The following HERC3 variants were observed in gnomAD, a reference collection of about 807,000 sequenced individuals.
HERC3 encodes the protein probable E3 ubiquitin-protein ligase HERC3.
A neutral mutation model predicts 129.9 loss-of-function variants in HERC3; 58 were observed. The observed-to-expected ratio is 0.45, with a 90% confidence interval of 0.36 to 0.56. The LOEUF (loss-of-function observed/expected upper bound fraction) is 0.56. Ranked by LOEUF, HERC3 falls within the 20% of genes least tolerant of loss-of-function variation. HERC3 has a pLI of 0.00. For synonymous variants in HERC3, 430 were observed against 451.0 expected (o/e 0.95, Z 0.59); for missense variants, 835 against 1,244.2 (o/e 0.67, Z 4.95).
At chr4:88,706,144 G>GT (rs1285876397) in intron 25 of HERC3, among the ~76,000 whole-genome samples, 1 of 152,228 alleles carries the variant, frequency 6.6e-6, no homozygotes, top group Non-Finnish European at 1.5e-5. Flanking sequence ...GGAATGGCAG[G>GT]TTATTTGAAA....
chr4:88,572,203 C>T, the HERC3 span, among the ~76,000 whole-genome samples: 1 of 152,176 alleles, frequency 6.6e-6, no homozygotes, highest in South Asian at 2.1e-4. Flanking sequence ...GCGGGAAGAT[C>T]ACTTGAGGCC....
the HERC3 span, among the ~76,000 whole-genome samples, chr4:88,554,288 T>C: frequency 0.024 from 3,421 of 144,042 alleles, 131 homozygotes; most frequent in African/African-American, 0.083. Context: ...GAGTTTGCAA[T>C]GACCCGAGAT....
intron 12 of HERC3, among the ~76,000 whole-genome samples, chr4:88,665,594 A>G (rs1314799495): frequency 1.3e-5 from 2 of 152,208 alleles, no homozygotes; most frequent in Non-Finnish European, 2.9e-5. Context: ...AATCTCTTAC[A>G]GAAAACTGAC....
At chr4:88,668,932 T>TG (rs1731324931) in intron 14 of HERC3, among the ~76,000 whole-genome samples, 1 of 152,164 alleles carries the variant, frequency 6.6e-6, no homozygotes, top group Non-Finnish European at 1.5e-5. Flanking sequence ...AAAAGCCTTT[T>TG]GGGGGCACAT....
chr4:88,545,929 A>T, the HERC3 span, among the ~76,000 whole-genome samples: 1 of 152,162 alleles, frequency 6.6e-6, no homozygotes. Flanking sequence ...CCTCCTTAAT[A>T]GTGGTATAAA....
At chr4:88,545,784 T>C in the HERC3 span, among the ~76,000 whole-genome samples, 2 of 152,114 alleles carry the variant, frequency 1.3e-5, no homozygotes, top group Admixed American at 6.5e-5. Context: ...TTCATATGCT[T>C]GAAGAGAACT....
chr4:88,593,585 T>A (rs1560649765), intron 1 of HERC3: 1 of 152,224 alleles, frequency 6.6e-6, no homozygotes, highest in Non-Finnish European at 1.5e-5. Context: ...AATTAGGAAG[T>A]ACCTAATTCA....
chr4:88,587,816 T>C (rs1284549658), upstream of HERC3, among the ~76,000 whole-genome samples: 3 of 152,258 alleles, frequency 2.0e-5, no homozygotes, highest in East Asian at 5.8e-4. Flanking sequence ...GCATGTATTC[T>C]GTGCAGCTAC....
chr4:88,654,467 AAATAT>A (rs1259366193), intron 7 of HERC3, among the ~76,000 whole-genome samples: 2 of 146,132 alleles, frequency 1.4e-5, no homozygotes, highest in Non-Finnish European at 3.0e-5. Flanking sequence ...TTATATATAT[AAATAT>A]AATGTATATA....
chr4:88,547,998 T>A, the HERC3 span, among the ~76,000 whole-genome samples: 1 of 152,242 alleles, frequency 6.6e-6, no homozygotes, highest in Non-Finnish European at 1.5e-5. Context: ...TGTTTTAGCA[T>A]GTATCAGTAC....
intron 22 of HERC3, 41 bp from the exon 23 acceptor site, chr4:88,687,176 T>A (rs767121741): frequency 6.7e-7 from 1 of 1,486,086 alleles, no homozygotes. Context: ...GATGAATGGT[T>A]AACAAAATTG....
intron 25 of HERC3, among the ~76,000 whole-genome samples, chr4:88,705,491 C>T (rs539443113): frequency 2.8e-4 from 43 of 152,320 alleles, no homozygotes; most frequent in Non-Finnish European, 3.2e-4. Context: ...CTTCCCAGCT[C>T]CCCCACCAGT....
the HERC3 span, among the ~76,000 whole-genome samples, chr4:88,561,824 T>C: frequency 6.6e-6 from 1 of 152,168 alleles, no homozygotes; most frequent in Non-Finnish European, 1.5e-5. Context: ...CCATCCATGC[T>C]GTTGTAAATG....
intron 14 of HERC3, among the ~76,000 whole-genome samples, chr4:88,669,091 T>A (rs1010478886): frequency 3.3e-5 from 5 of 152,150 alleles, no homozygotes; most frequent in Admixed American, 1.3e-4. Context: ...TTACACTTTA[T>A]TTTTAACTTC....
chr4:88,693,494 T>C, intron 23 of HERC3: 1 of 974,574 alleles, frequency 1.0e-6, no homozygotes, highest in Non-Finnish European at 1.2e-6. Flanking sequence ...CTACACAGTA[T>C]TGATCTATTT....
chr4:88,632,687 A>G (rs538304696), intron 3 of HERC3, among the ~76,000 whole-genome samples: 1 of 152,384 alleles, frequency 6.6e-6, no homozygotes, highest in African/African-American at 2.4e-5. Context: ...GAAGTTGAAG[A>G]TAGATCAGTA....
At chr4:88,609,015 G>T (rs1723985122) in intron 3 of HERC3, among the ~76,000 whole-genome samples, 1 of 151,792 alleles carries the variant, frequency 6.6e-6, no homozygotes, top group African/African-American at 2.4e-5. Flanking sequence ...TAGTCTAGGT[G>T]TGGTGGCACA....
the HERC3 span, among the ~76,000 whole-genome samples, chr4:88,533,587 G>A: frequency 6.6e-5 from 10 of 152,272 alleles, no homozygotes; most frequent in South Asian, 2.1e-3. Flanking sequence ...AGCTTGGAAG[G>A]GGACCGGTGA....
the HERC3 span, among the ~76,000 whole-genome samples, chr4:88,562,447 C>G: frequency 1.3e-5 from 2 of 152,064 alleles, no homozygotes; most frequent in Non-Finnish European, 2.9e-5. Flanking sequence ...TTCTCCTATT[C>G]TTTGAGTTGT....
Sources: allele counts gnomAD v4.1 joint callset (sites outside exome capture counted in the v4.1 genomes callset), GRCh38; gene constraint gnomAD v4.1.1; transcripts MANE v1.5; gene names NCBI Gene and HGNC (gene_info 2026-07-23, HGNC 2026-07-21).